The following HYOU1 variants were observed in gnomAD, a reference collection of about 807,000 sequenced individuals.
HYOU1 encodes the protein hypoxia up-regulated protein 1.
In HYOU1, 40 loss-of-function variants were observed where a neutral mutation model predicts 120.5. The observed-to-expected ratio is 0.33, with a 90% CI of 0.26 to 0.43. HYOU1 has a LOEUF of 0.43. Ranked by LOEUF, HYOU1 falls within the 20% of genes least tolerant of loss-of-function variation. HYOU1 has a pLI of 1.00. For missense variants in HYOU1, 1,085 were observed against 1,278.3 expected (o/e 0.85, Z 2.31); for synonymous variants, 501 against 479.4 (o/e 1.05, Z -0.59).
Position 119,051,812 on chromosome 11 carries a change from C to T in HYOU1, c.1338+7G>A. On this transcript the variant is annotated splice_region_variant and intron_variant, in intron 12 of 25. Transcript: ENST00000617285. This position sits in a 1 kb window ranked among gnomAD's most constrained non-coding sequence, Gnocchi z 4.2. ...AGCTTGTCACCTGCTCAGTCAGGCTCACTCACCAGGATGGGGTAGACCACT... is the reference window on the plus strand; with the variant it reads ...AGCTTGTCACCTGCTCAGTCAGGCTTACTCACCAGGATGGGGTAGACCACT... 6.2e-7 allele frequency: 1 copy of T among 1,614,064 alleles called. No homozygotes were observed. Among genetic ancestry groups the T allele is most frequent in the Non-Finnish European group, 8.5e-7 (1 of 1,179,956 alleles).
chr11:119,049,424 C>A, intron 16 of HYOU1, 132 bp downstream of exon 16: 1 of 1,570,638 alleles, frequency 6.4e-7, no homozygotes, highest in South Asian at 1.1e-5. Flanking sequence ...AGCTCAGAGC[C>A]CAGAGGATCC....
Position 119,055,008 on chromosome 11 carries a change from G to A in HYOU1, c.472C>T (p.Arg158Cys), listed in dbSNP as rs2133609309. 8 of 1,614,068 alleles carry A rather than the reference G, an allele frequency of 5.0e-6. No individual in the cohort carries two copies. In the South Asian group the frequency reaches 5.5e-5, roughly 11 times the overall value. Residue 158 changes from arginine (R) to cysteine (C), a missense_variant, in exon 6 of 26, where the codon CGT (arginine) becomes TGT (cysteine). Physicochemically the swap from Arg to Cys is radical, Grantham distance 180. Transcript: ENST00000617285. This position sits in a 1 kb window ranked among gnomAD's most constrained non-coding sequence, Gnocchi z 4.0. The stretch of plus-strand genomic sequence containing the variant: ...CCTGCAAAATCTTCAGCTAGAGAAC[G>A]AGAATAATTGAGAACCATGCCCAAC... ...EVLGMVLNYS[R>C]SLAEDFAEQP...
chr11:119,049,870 G>A (rs1235119564), intron 14 of HYOU1, 33 bp from the exon 15 acceptor site: 6 of 1,592,940 alleles, frequency 3.8e-6, no homozygotes, highest in Non-Finnish European at 4.3e-6. Context: ...AAAATACACA[G>A]GCTAATCCAC....
At position 119,052,240 on chromosome 11, in the gene HYOU1, T is replaced by A; in HGVS notation, c.1122+55A>T. The stretch of plus-strand genomic sequence containing the variant: ...CACTGACTCGTCCCTTGACGTCCCA[T>A]GGGTTTCCTATGCCCTTTCCTACGG... On this transcript the variant is annotated intron_variant, in intron 10 of 25. Coordinates refer to ENST00000617285, the MANE Select transcript of HYOU1 (RefSeq NM_006389.5). The surrounding 1 kb of genome is among the most constrained non-coding windows in gnomAD (Gnocchi z 5.0). The A allele has an allele frequency of 6.2e-7, 1 of 1,614,014 alleles. No individual in the cohort carries two copies. The highest frequency in any genetic ancestry group is 2.2e-5 in the East Asian group (1 of 44,888).
chr11:119,046,461 G>A lies in HYOU1; in HGVS notation c.2843C>T (p.Thr948Ile). The A allele has an allele frequency of 6.2e-7, 1 of 1,614,146 alleles. No homozygotes were observed. The highest frequency in any genetic ancestry group is 1.1e-5 in the South Asian group (1 of 91,086). Residue 948 changes from threonine (T) to isoleucine (I), a missense_variant, in exon 24 of 26, where the codon ACT (threonine) becomes ATT (isoleucine). By Grantham distance (89) the Thr-to-Ile change is moderately conservative. Coordinates refer to ENST00000617285, the MANE Select transcript of HYOU1 (RefSeq NM_006389.5). ...GEKVIPPAGQ[T>I]EDAEPISEPE... ...TTCTGAAATGGGCTCTGCATCTTCA[G>A]TCTGGCCTAGAAGGAAACCAGGGGT...
Position 119,054,623 on chromosome 11 carries a change from G to C in HYOU1, c.549C>G (p.Ala183=). The C allele has an allele frequency of 1.9e-6, 3 of 1,614,004 alleles. No homozygotes were observed. Among genetic ancestry groups the C allele is most frequent in the Non-Finnish European group, 2.5e-6 (3 of 1,180,026 alleles). Residue 183 remains alanine (A), a synonymous_variant, in exon 7 of 26, where the codon GCC becomes GCG. Transcript: ENST00000617285. ...CAGCCTGCAGCACAGCTCGGCGCTCGGCCTGGTTGAAGAAGACTGGCACGG... is the reference window on the plus strand; with the variant it reads ...CAGCCTGCAGCACAGCTCGGCGCTCCGCCTGGTTGAAGAAGACTGGCACGG... The part of the protein sequence containing the change: ...VITVPVFFNQ[A]ERRAVLQAAR...
intron 22 of HYOU1, 90 bp from the exon 23 acceptor site, chr11:119,046,892 T>TTCCCTCAGACTGCAAA: frequency 6.6e-7 from 1 of 1,508,490 alleles, no homozygotes. Context: ...AACCAGCCTC[T>TTCCCTCAGACTGCAAA]TCCCTCAGAC....
Position 119,055,138 on chromosome 11 carries a change from G to A in HYOU1, c.419+47C>T. 6.2e-7 allele frequency: 1 copy of A among 1,612,226 alleles called. No homozygotes were observed. The highest frequency in any genetic ancestry group is 8.5e-7 in the Non-Finnish European group (1 of 1,178,680). On this transcript the variant is annotated intron_variant, in intron 5 of 25. Transcript: ENST00000617285. The surrounding 1 kb of genome is among the most constrained non-coding windows in gnomAD (Gnocchi z 4.0). ...ACAATCAGGAACACACACCAATGAGGAGCCCAGCAGCGTTGCCGAGACCAC... is the reference window on the plus strand; with the variant it reads ...ACAATCAGGAACACACACCAATGAGAAGCCCAGCAGCGTTGCCGAGACCAC...
rs1164217802 is a variant in HYOU1, at chr11:119,046,499, CAGG to C, written c.2837-35_2837-33del. ...GGAAACCAGGGGTAAGACATAGCCTCAGGAAGGAAAGGAGGCTGTCTCCCTGTC... is the reference window on the plus strand; with the variant it reads ...GGAAACCAGGGGTAAGACATAGCCTCAAGGAAAGGAGGCTGTCTCCCTGTC... On this transcript the variant is annotated intron_variant, in intron 23 of 25. Transcript: ENST00000617285. The C allele has an allele frequency of 1.9e-6, 3 of 1,614,026 alleles. No individual in the cohort carries two copies. In the East Asian group the frequency reaches 6.7e-5, roughly 36 times the overall value.
rs1203624705 is a variant in HYOU1 at position 119,048,068 on chromosome 11, TCTC to T, written c.2386_2388del (p.Glu796del). 2 of 1,614,018 alleles carry T rather than the reference TCTC, an allele frequency of 1.2e-6. No individual in the cohort carries two copies. Among genetic ancestry groups the T allele is most frequent in the Non-Finnish European group, 1.7e-6 (2 of 1,180,042 alleles). ...CACAGCTTCCTCAGCTCAGCCAGCT[TCTC>T]CTTCAACATCTGATGGATGTGCGAT... On this transcript the variant is annotated inframe_deletion, in exon 21 of 26. Transcript: ENST00000617285. This position sits in a 1 kb window ranked among gnomAD's most constrained non-coding sequence, Gnocchi z 4.7.
chr11:119,048,037 C>G lies in HYOU1; in HGVS notation c.2420G>C (p.Gly807Ala), dbSNP rs2133560510. 2 of 1,614,236 alleles carry G rather than the reference C, an allele frequency of 1.2e-6. No homozygotes were observed. Among genetic ancestry groups the G allele is most frequent in the Admixed American group, 3.3e-5 (2 of 60,030 alleles). Residue 807 changes from glycine (G) to alanine (A), a missense_variant, in exon 21 of 26, where the codon GGG (glycine) becomes GCG (alanine). Coordinates refer to ENST00000617285, the MANE Select transcript of HYOU1 (RefSeq NM_006389.5). The surrounding 1 kb of genome is among the most constrained non-coding windows in gnomAD (Gnocchi z 4.7). ...KLAELRKLCQGLFFRVEERKK... is the reference protein window; with the variant it reads ...KLAELRKLCQALFFRVEERKK... Reference sequence around the variant, plus strand: ...GCGCTCCTCTACCCGAAAAAACAGCCCTTGGCACAGCTTCCTCAGCTCAGC... The same window carrying G: ...GCGCTCCTCTACCCGAAAAAACAGCGCTTGGCACAGCTTCCTCAGCTCAGC...
Position 119,052,772 on chromosome 11 carries a change from A to G in HYOU1, c.852T>C (p.Ala284=). ...EMELRLRERL[A]GLFNEQRKGQ... is the part of the protein sequence containing the mutation. Reference sequence around the variant, plus strand: ...CCTTGCGCTGCTCATTGAAAAGCCCAGCCAGGCGTTCTCGAAGCCGGAGCT... The same window carrying G: ...CCTTGCGCTGCTCATTGAAAAGCCCGGCCAGGCGTTCTCGAAGCCGGAGCT... Residue 284 remains alanine, a synonymous_variant, in exon 9 of 26, where the codon GCT becomes GCC. Transcript: ENST00000617285. The surrounding 1 kb of genome is among the most constrained non-coding windows in gnomAD (Gnocchi z 5.0). The G allele has an allele frequency of 6.2e-7, 1 of 1,614,202 alleles. No homozygotes were observed.
chr11:119,048,725 C>G lies in HYOU1; in HGVS notation c.2154G>C (p.Gln718His). Residue 718 changes from glutamine (Q) to histidine (H), a missense_variant, in exon 18 of 26, where the codon CAG becomes CAC. Physicochemically the swap from Gln to His is conservative, Grantham distance 24. This residue lies in a region of HYOU1 where 516 missense variants were observed against 517.1 expected (regional missense o/e 1.00). Coordinates refer to ENST00000617285, the MANE Select transcript of HYOU1 (RefSeq NM_006389.5). The surrounding 1 kb of genome is among the most constrained non-coding windows in gnomAD (Gnocchi z 4.7). Reference sequence around the variant, plus strand: ...CTGTCCTCACTTACTTCTGCACCGACTGAGCCAGCTTATCCTCTGGCAAGT... The same window carrying G: ...CTGTCCTCACTTACTTCTGCACCGAGTGAGCCAGCTTATCCTCTGGCAAGT... ...LPDLPEDKLAQSVQKLQDLTL... is the reference protein window; with the variant it reads ...LPDLPEDKLAHSVQKLQDLTL... 1 of 1,611,192 alleles carries G rather than the reference C, an allele frequency of 6.2e-7. No homozygotes were observed. The highest frequency in any genetic ancestry group is 8.5e-7 in the Non-Finnish European group (1 of 1,178,470).
intron 14 of HYOU1, 131 bp from the exon 15 acceptor site, chr11:119,049,968 A>G: frequency 3.6e-6 from 3 of 822,832 alleles, no homozygotes; most frequent in South Asian, 1.5e-5. Context: ...TGCCTTTTCT[A>G]AGGACTTGGA....
intron 6 of HYOU1, 84 bp from the exon 7 acceptor site, chr11:119,054,759 C>T: frequency 1.4e-6 from 2 of 1,401,538 alleles, no homozygotes; most frequent in Non-Finnish European, 2.0e-6. Flanking sequence ...ACATTTTGGA[C>T]TAGGTAATTC....
chr11:119,051,617 G>A lies in HYOU1; in HGVS notation c.1347C>T (p.Phe449=), dbSNP rs2133586384. Residue 449 remains phenylalanine (F), a synonymous_variant, in exon 13 of 26, where the codon TTC becomes TTT. Transcript: ENST00000617285. This position sits in a 1 kb window ranked among gnomAD's most constrained non-coding sequence, Gnocchi z 4.2. ...CAGGCTCCTCCTCCACCTCCCTCGTGAACTCCACCTACACAGCAGGCAGAC... is the reference window on the plus strand; with the variant it reads ...CAGGCTCCTCCTCCACCTCCCTCGTAAACTCCACCTACACAGCAGGCAGAC... ...DAVVYPILVE[F]TREVEEEPGI... is the part of the protein sequence containing the mutation. 1.2e-6 allele frequency: 2 copies of A among 1,613,822 alleles called. No individual in the cohort carries two copies. The highest frequency in any genetic ancestry group is 1.7e-6 in the Non-Finnish European group (2 of 1,179,952).
intron 22 of HYOU1, chr11:119,047,294 AC>A: frequency 5.0e-6 from 1 of 201,420 alleles, no homozygotes. Flanking sequence ...TGATTCGCCC[AC>A]CTCAGCCTCC....
At position 119,051,396 on chromosome 11, in the gene HYOU1, T is replaced by A; in HGVS notation, c.1526+42A>T. ...CCTCAGATTATCCAGCAGCCACGCC[T>A]CCCCCTCCCTGGAGCTCCCATCCTA... On this transcript the variant is annotated intron_variant, in intron 13 of 25. Transcript: ENST00000617285. This position sits in a 1 kb window ranked among gnomAD's most constrained non-coding sequence, Gnocchi z 4.2. 1 of 1,595,144 alleles carries A rather than the reference T, an allele frequency of 6.3e-7. No homozygotes were observed.
intron 14 of HYOU1, 85 bp downstream of exon 14, chr11:119,050,950 C>A: frequency 6.6e-7 from 1 of 1,518,212 alleles, no homozygotes; most frequent in Non-Finnish European, 9.0e-7. Flanking sequence ...GTTATCTTAT[C>A]CTAATGCCAT....
Sources: allele counts gnomAD v4.1 joint callset, GRCh38; gene constraint gnomAD v4.1.1; regional missense constraint gnomAD v4.1.1; non-coding constraint Gnocchi (gnomAD v3.1); transcripts MANE v1.5; gene names NCBI Gene and HGNC (gene_info 2026-07-23, HGNC 2026-07-21).